The following RNASET2 variants were observed in gnomAD, a reference collection of about 807,000 sequenced individuals.
The protein encoded by RNASET2 is ribonuclease T2.
Under a neutral mutation model 33.9 loss-of-function variants are expected in RNASET2, and 28 were observed. That is an observed-to-expected ratio of 0.83 (90% CI 0.61 to 1.13). The LOEUF is 1.13. Among genes scored for constraint, RNASET2 ranks in the 50% most tolerant of loss-of-function variants. RNASET2 has a pLI of 0.00. For synonymous variants in RNASET2, 123 were observed against 121.0 expected, an observed-to-expected ratio of 1.02 and a Z score of -0.11; for missense variants, 330 against 319.9, an observed-to-expected ratio of 1.03 and a Z score of -0.24.
intron 1 of RNASET2, chr6:166,955,396 C>T (rs1779135907): frequency 2.1e-6 from 1 of 487,782 alleles, no homozygotes. Context: ...CACACACACG[C>T]GCACACACAC....
chr6:166,930,470 C>A (rs1030737096), intron 8 of RNASET2, among the ~76,000 whole-genome samples: 1 of 150,998 alleles, frequency 6.6e-6, no homozygotes, highest in African/African-American at 2.4e-5. Flanking sequence ...TGCATGTACA[C>A]ACACACACAC....
rs1191714928 is a variant in RNASET2, at chr6:166,935,468, A to T, written c.447-1332T>A. ...GGCAAAGAGAGAAAGATGTGGGGAA[A>T]TGCAGCACCTAACCCAGCATCATGC... On this transcript the variant is annotated intron_variant, in intron 6 of 8. Transcript: ENST00000508775. 2.6e-5 allele frequency among the ~76,000 whole-genome samples: 4 copies of T among 152,280 alleles called. No homozygotes were observed. The East Asian group carries it at 5.8e-4, about 22-fold the overall frequency.
At position 166,933,958 on chromosome 6, in the gene RNASET2, C is replaced by T. The variant is rs991727734; in HGVS notation, c.492+133G>A. 9 of 769,330 alleles carry T rather than the reference C, an allele frequency of 1.2e-5. No individual in the cohort carries two copies. Among genetic ancestry groups the T allele is most frequent in the Non-Finnish European group, 1.7e-5 (7 of 419,352 alleles). The allele number at this position is 769,330 out of a possible 1,614,324, so 47.7% of individuals were successfully genotyped here. On this transcript the variant is annotated intron_variant, in intron 7 of 8. Coordinates refer to ENST00000508775, the MANE Select transcript of RNASET2 (RefSeq NM_003730.6). The surrounding 1 kb of genome is among the most constrained non-coding windows in gnomAD (Gnocchi z 4.1). ...AAATAAAATGCAAATAAAATCTGTTCACATGATAACATTTAAGTAGGAAGG... is the reference window on the plus strand; with the variant it reads ...AAATAAAATGCAAATAAAATCTGTTTACATGATAACATTTAAGTAGGAAGG...
Position 166,928,517 on chromosome 6 carries a change from A to C in RNASET2, c.*1071T>G, listed in dbSNP as rs1295074280. On this transcript the variant is annotated 3_prime_UTR_variant, in exon 9 of 9. Transcript: ENST00000508775. ...ATTAAATATTTCACGTGTTGAACAC[A>C]ATGCCTGGCACATAGTAAGTTCTAT... Among the ~76,000 whole-genome samples, 3 of 151,676 alleles carry C rather than the reference A, an allele frequency of 2.0e-5. No homozygotes were observed. The highest frequency in any genetic ancestry group is 7.3e-5 in the African/African-American group (3 of 41,208).
rs546963581 is a variant in RNASET2, at chr6:166,929,134, G to C, written c.*454C>G. Among the ~76,000 whole-genome samples the C allele has an allele frequency of 6.6e-6, 1 of 152,370 alleles. No homozygotes were observed. The highest frequency in any genetic ancestry group is 6.5e-5 in the Admixed American group (1 of 15,310). On this transcript the variant is annotated 3_prime_UTR_variant, in exon 9 of 9. Coordinates refer to ENST00000508775, the MANE Select transcript of RNASET2 (RefSeq NM_003730.6). ...GCTCTGGTCACATGGAACAGACCCAGTCTGAGCTAGAGACACCCCCCAGGC... is the reference window on the plus strand; with the variant it reads ...GCTCTGGTCACATGGAACAGACCCACTCTGAGCTAGAGACACCCCCCAGGC...
intron 2 of RNASET2, among the ~76,000 whole-genome samples, chr6:166,950,601 A>G (rs754529772): frequency 1.1e-4 from 16 of 152,236 alleles, no homozygotes; most frequent in Admixed American, 2.0e-4. Flanking sequence ...AGAAGTGTGC[A>G]ATGCACACCA....
intron 4 of RNASET2, chr6:166,943,769 G>A (rs1423904264): frequency 6.4e-6 from 3 of 470,110 alleles, no homozygotes; most frequent in Admixed American, 2.4e-5. Flanking sequence ...GAGAGTTGAG[G>A]GGGAAGGGAG....
intron 1 of RNASET2, chr6:166,955,821 T>C (rs1583241922): frequency 1.1e-6 from 1 of 934,694 alleles, no homozygotes; most frequent in Non-Finnish European, 1.3e-6. Flanking sequence ...CGGGGCGTGC[T>C]CAGGACTCCC....
rs995322438 is a variant in RNASET2 at position 166,927,269 on chromosome 6, A to C, written c.*2319T>G. ...ATACTTACATGATCTGAGGCAGGTT[A>C]TCAAACGCTCATGTTCTACCTGCTC... On this transcript the variant is annotated 3_prime_UTR_variant, in exon 9 of 9. Transcript: ENST00000508775. Among the ~76,000 whole-genome samples the C allele has an allele frequency of 6.6e-6, 1 of 152,160 alleles. No homozygotes were observed. Among genetic ancestry groups the C allele is most frequent in the Non-Finnish European group, 1.5e-5 (1 of 68,026 alleles).
In RNASET2 at chr6:166,933,660, C is replaced by T; in HGVS notation, c.492+431G>A. ...AGTCACCACACCTGGCAAAAAGCAA[C>T]TTTTTGTATATGCTTACCAGCTAAT... On this transcript the variant is annotated intron_variant, in intron 7 of 8. Transcript: ENST00000508775. This position sits in a 1 kb window ranked among gnomAD's most constrained non-coding sequence, Gnocchi z 4.1. 1 of 186,884 alleles carries T rather than the reference C, an allele frequency of 5.4e-6. No individual in the cohort carries two copies. The highest frequency in any genetic ancestry group is 1.0e-4 in the South Asian group (1 of 9,642). The allele number at this position is 186,884 out of a possible 1,614,324, so 11.6% of individuals were successfully genotyped here.
rs1416962541 is a variant in RNASET2, at chr6:166,923,455, A to G, written c.*6133T>C. Among the ~76,000 whole-genome samples the G allele has an allele frequency of 6.6e-6, 1 of 151,874 alleles. No homozygotes were observed. Among genetic ancestry groups the G allele is most frequent in the Admixed American group, 6.6e-5 (1 of 15,256 alleles). On this transcript the variant is annotated 3_prime_UTR_variant, in exon 9 of 9. Coordinates refer to ENST00000508775, the MANE Select transcript of RNASET2 (RefSeq NM_003730.6). ...GGGTGGTCTTGAACGCTTGACCTCA[A>G]GTGATCCGCCCACCTCGGCCTCCCA...
At chr6:166,946,638 C>A (rs370580293) in intron 4 of RNASET2, 44 bp downstream of exon 4, 1 of 1,056,224 alleles carries the variant, frequency 9.5e-7, no homozygotes, top group Non-Finnish European at 1.4e-6. Context: ...AAGAGTTAAT[C>A]TAGGTCAACA....
chr6:166,938,606 G>A (rs564965013), intron 6 of RNASET2: 5 of 673,772 alleles, frequency 7.4e-6, no homozygotes, highest in African/African-American at 1.8e-5. Flanking sequence ...GGCACATGCT[G>A]GTTGGAGTCC....
intron 7 of RNASET2, chr6:166,931,980 A>G (rs2128644162): frequency 6.5e-6 from 1 of 153,028 alleles, no homozygotes; most frequent in South Asian, 2.1e-4. Flanking sequence ...ATTGGAAGCT[A>G]TCTTTTCCAC....
chr6:166,941,940 G>T (rs1297840434), intron 5 of RNASET2, among the ~76,000 whole-genome samples: 1 of 152,122 alleles, frequency 6.6e-6, no homozygotes, highest in African/African-American at 2.4e-5. Context: ...CCTAGGCTTA[G>T]CTTCTGCTGA....
intron 2 of RNASET2, among the ~76,000 whole-genome samples, chr6:166,951,178 A>T (rs1196602371): frequency 6.6e-6 from 1 of 152,200 alleles, no homozygotes; most frequent in Non-Finnish European, 1.5e-5. Flanking sequence ...AGGCGGAGAG[A>T]GAGAGAGGCC....
At chr6:166,930,400 G>A (rs930702115) in intron 8 of RNASET2, among the ~76,000 whole-genome samples, 6 of 151,760 alleles carry the variant, frequency 4.0e-5, no homozygotes, top group African/African-American at 1.5e-4. Flanking sequence ...ACATGAACAT[G>A]TTCATATGCA....
Position 166,955,305 on chromosome 6 carries a change from CACG to C in RNASET2, c.86+789_86+791del, listed in dbSNP as rs1328171027. Among the ~76,000 whole-genome samples, 149 of 47,788 alleles carry C rather than the reference CACG, an allele frequency of 3.1e-3. 3 individuals carry two copies. Among genetic ancestry groups the C allele is most frequent in the African/African-American group, 0.015 (137 of 9,084 alleles). 31.4% of individuals were successfully genotyped at this position (47,788 alleles called of 152,430 possible). On this transcript the variant is annotated intron_variant, in intron 1 of 8. Coordinates refer to ENST00000508775, the MANE Select transcript of RNASET2 (RefSeq NM_003730.6). ...CGACACACACGCACAGACGCGCACA[CACG>C]ACACACACGCACACACACGCACGCA...
rs950129603 is a variant in RNASET2, at chr6:166,924,848, A to C, written c.*4740T>G. 1.3e-5 allele frequency among the ~76,000 whole-genome samples: 2 copies of C among 152,208 alleles called. No homozygotes were observed. The highest frequency in any genetic ancestry group is 4.8e-5 in the African/African-American group (2 of 41,456). ...ATGCCACCACTCTTGGAGTGGGCCCAAGAGGAAAAGATCCCTGCTTATGGC... is the reference window on the plus strand; with the variant it reads ...ATGCCACCACTCTTGGAGTGGGCCCCAGAGGAAAAGATCCCTGCTTATGGC... On this transcript the variant is annotated 3_prime_UTR_variant, in exon 9 of 9. Transcript: ENST00000508775.
Sources: gnomAD v4.1 joint callset for allele counts (sites outside exome capture counted in the v4.1 genomes callset) on GRCh38, gnomAD v4.1.1 for gene constraint, Gnocchi (gnomAD v3.1) non-coding constraint, MANE v1.5 for transcripts, NCBI Gene and HGNC (gene_info 2026-07-23, HGNC 2026-07-21) for gene names.